Variants in C12orf42 observed in about 807,000 individuals in gnomAD.
C12orf42 encodes the protein chromosome 12 open reading frame 42, also known as uncharacterized protein C12orf42.
In C12orf42, 25 loss-of-function variants were observed where a neutral mutation model predicts 21.6. That is an observed-to-expected ratio of 1.16 (90% CI 0.84 to 1.62). The LOEUF (loss-of-function observed/expected upper bound fraction) is 1.62, where lower values mean the gene tolerates loss of function less well. C12orf42 is among the 40% of genes most tolerant of loss of function. The pLI, the probability that C12orf42 is intolerant of heterozygous loss-of-function variation, is 0.00. For missense variants in C12orf42, 483 were observed against 459.3 expected, an observed-to-expected ratio of 1.05 and a Z score of -0.47; for synonymous variants, 174 against 175.0, an observed-to-expected ratio of 0.99 and a Z score of 0.05.
the C12orf42 span, among the ~76,000 whole-genome samples, chr12:103,169,790 T>A: frequency 5.6e-3 from 619 of 110,134 alleles, 6 homozygotes; most frequent in African/African-American, 0.018. Flanking sequence ...ATAAAAATGA[T>A]AGAGCATGAA....
chr12:103,230,538 G>A, the C12orf42 span, among the ~76,000 whole-genome samples: 1 of 152,264 alleles, frequency 6.6e-6, no homozygotes, highest in East Asian at 1.9e-4. Context: ...TGAATACCAG[G>A]AAACAAGAAT....
chr12:103,256,085 A>AAATAT (rs1565998067), intron 10 of C12orf42, among the ~76,000 whole-genome samples: 3 of 58,938 alleles, frequency 5.1e-5, no homozygotes, highest in African/African-American at 8.9e-5. Flanking sequence ...AAAAAAAAAA[A>AAATAT]ATATATATAT....
At chr12:103,250,072 TA>T (rs2136191557) in intron 10 of C12orf42, among the ~76,000 whole-genome samples, 1 of 140,234 alleles carries the variant, frequency 7.1e-6, no homozygotes, top group Admixed American at 6.9e-5. Context: ...TCTATCTATC[TA>T]TCTATCTATC....
chr12:103,315,165 G>A (rs552513652), intron 4 of C12orf42, among the ~76,000 whole-genome samples: 6 of 152,148 alleles, frequency 3.9e-5, no homozygotes, highest in Non-Finnish European at 7.3e-5. Context: ...GATACATCAT[G>A]CTTGGTTTTC....
At chr12:103,379,892 C>T (rs1016876006) in intron 3 of C12orf42, among the ~76,000 whole-genome samples, 10 of 152,156 alleles carry the variant, frequency 6.6e-5, no homozygotes, top group Admixed American at 2.6e-4. Flanking sequence ...TAGCATTGTT[C>T]GAGCACCATG....
chr12:103,101,759 T>G, the C12orf42 span, among the ~76,000 whole-genome samples: 1 of 152,190 alleles, frequency 6.6e-6, no homozygotes, highest in Non-Finnish European at 1.5e-5. Flanking sequence ...AGCTCATAAT[T>G]CTGTGGGTTG....
the C12orf42 span, among the ~76,000 whole-genome samples, chr12:103,176,950 T>A: frequency 6.6e-6 from 1 of 152,214 alleles, no homozygotes. Context: ...AGAAGCTATG[T>A]TTGAAGCCAG....
chr12:103,249,758 A>G (rs1440411072), intron 10 of C12orf42, among the ~76,000 whole-genome samples: 2 of 152,138 alleles, frequency 1.3e-5, no homozygotes, highest in African/African-American at 2.4e-5. Context: ...GATGCAAATC[A>G]GTCTGCTTTA....
At chr12:103,170,568 A>C in the C12orf42 span, among the ~76,000 whole-genome samples, 1 of 136,396 alleles carries the variant, frequency 7.3e-6, no homozygotes, top group Non-Finnish European at 1.6e-5. Flanking sequence ...TCTATATAGT[A>C]GTATGATCCT....
intron 2 of C12orf42, among the ~76,000 whole-genome samples, chr12:103,447,195 A>T (rs1023398718): frequency 6.6e-6 from 1 of 152,006 alleles, no homozygotes; most frequent in African/African-American, 2.4e-5. Context: ...ATTGGAAATC[A>T]ACTCCAAAAG....
the C12orf42 span, among the ~76,000 whole-genome samples, chr12:103,063,159 C>T: frequency 6.6e-6 from 1 of 152,152 alleles, no homozygotes; most frequent in Non-Finnish European, 1.5e-5. Context: ...CCTAAATTCA[C>T]TTGACAAAGT....
At chr12:103,475,057 G>T (rs1206243500) in intron 2 of C12orf42, among the ~76,000 whole-genome samples, 1 of 152,166 alleles carries the variant, frequency 6.6e-6, no homozygotes, top group Non-Finnish European at 1.5e-5. Flanking sequence ...GTTTTAGCAA[G>T]CACCCTGGAA....
chr12:103,411,636 ATCT>A (rs1566265826), intron 2 of C12orf42, among the ~76,000 whole-genome samples: 1 of 152,194 alleles, frequency 6.6e-6, no homozygotes, highest in Non-Finnish European at 1.5e-5. Flanking sequence ...GGAGCTTGTT[ATCT>A]TCTTCTGCCA....
the C12orf42 span, among the ~76,000 whole-genome samples, chr12:103,086,101 A>G: frequency 6.6e-6 from 1 of 152,116 alleles, no homozygotes; most frequent in South Asian, 2.1e-4. Context: ...TGATAATATA[A>G]ACAATCTATT....
the C12orf42 span, among the ~76,000 whole-genome samples, chr12:103,050,413 A>G: frequency 6.6e-6 from 1 of 152,156 alleles, no homozygotes; most frequent in Admixed American, 6.5e-5. Context: ...GGAAACAGAC[A>G]CTGGGACAGA....
chr12:103,166,569 T>G, the C12orf42 span, among the ~76,000 whole-genome samples: 1 of 152,316 alleles, frequency 6.6e-6, no homozygotes, highest in African/African-American at 2.4e-5. Context: ...CCAGGTCTAT[T>G]TCTTCCCAAA....
intron 4 of C12orf42, among the ~76,000 whole-genome samples, chr12:103,288,914 A>G (rs1357630962): frequency 6.6e-6 from 1 of 152,112 alleles, no homozygotes; most frequent in Non-Finnish European, 1.5e-5. Flanking sequence ...AAGTAAAATC[A>G]CTCATTGCAA....
the C12orf42 span, among the ~76,000 whole-genome samples, chr12:103,056,359 C>G: frequency 6.6e-6 from 1 of 152,150 alleles, no homozygotes; most frequent in Non-Finnish European, 1.5e-5. Context: ...TGCCATTTCT[C>G]TCTCACTGTA....
exon 10 of C12orf42, chr12:103,263,331 A>G (rs1440433243): frequency 6.6e-6 from 1 of 152,076 alleles, no homozygotes; most frequent in Non-Finnish European, 1.5e-5. Context: ...AATACCTTCT[A>G]TTTGAGGTAG....
Sources: gnomAD v4.1 joint callset for allele counts (sites outside exome capture counted in the v4.1 genomes callset) on GRCh38, gnomAD v4.1.1 for gene constraint, MANE v1.5 for transcripts, NCBI Gene and HGNC (gene_info 2026-07-23, HGNC 2026-07-21) for gene names.